The following CABS1 variants were observed in gnomAD, a reference collection of about 807,000 sequenced individuals.
The protein encoded by CABS1 is calcium-binding and spermatid-specific protein 1.
For synonymous variants in CABS1, 195 were observed against 169.0 expected, an observed-to-expected ratio of 1.15 and a Z score of -1.19; for missense variants, 500 against 464.3, an observed-to-expected ratio of 1.08 and a Z score of -0.71.
intron 1 of CABS1, 46 bp from the exon 2 acceptor site, chr4:70,336,920 C>A (rs1296252054): frequency 7.0e-6 from 1 of 142,916 alleles, no homozygotes; most frequent in Admixed American, 7.1e-5. Context: ...ATTTAATTTT[C>A]TTTCTGTTAA....
rs779234959 is a variant in CABS1, at chr4:70,335,368, C to G, written c.329C>G (p.Ser110Cys). The G allele has an allele frequency of 6.2e-7, 1 of 1,613,762 alleles. No homozygotes were observed. Among genetic ancestry groups the G allele is most frequent in the Non-Finnish European group, 8.5e-7 (1 of 1,179,830 alleles). Residue 110 changes from serine to cysteine, a missense_variant, in exon 1 of 2, where the codon TCT becomes TGT. Transcript: ENST00000273936. ...TGTTNSITRD[S>C]ITEHFMPVKI... Reference sequence around the variant, plus strand: ...ACTACAAACTCCATAACAAGAGACTCTATTACCGAACATTTCATGCCAGTG... The same window carrying G: ...ACTACAAACTCCATAACAAGAGACTGTATTACCGAACATTTCATGCCAGTG...
chr4:70,335,450 T>C lies in CABS1; in HGVS notation c.411T>C (p.Thr137=). Residue 137 remains threonine, a synonymous_variant, in exon 1 of 2, where the codon ACT becomes ACC. Transcript: ENST00000273936. The part of the protein sequence containing the change: ...VTTVSLIDFS[T]DIAKEDILLA... ...CTGTTTCTTTAATAGATTTTTCCAC[T>C]GACATAGCAAAAGAAGATATCCTCT... 1 of 1,613,760 alleles carries C rather than the reference T, an allele frequency of 6.2e-7. No individual in the cohort carries two copies. Among genetic ancestry groups the C allele is most frequent in the Non-Finnish European group, 8.5e-7 (1 of 1,179,826 alleles).
At chr4:70,336,474 A>G (rs1731732927) in intron 1 of CABS1, 128 bp downstream of exon 1, 5 of 370,310 alleles carry the variant, frequency 1.4e-5, no homozygotes, top group Non-Finnish European at 1.9e-5. Context: ...ATATTCTAAC[A>G]ATTACTTAAT....
In CABS1 at chr4:70,336,063, G is replaced by T. The variant is rs1301821681; in HGVS notation, c.1024G>T (p.Asp342Tyr). ...AGTGGAAGAATCATCTACAGAAGAA[G>T]ATTTGTCTGAAACTGATAATACAGA... ...NLVEESSTEE[D>Y]LSETDNTETV... The change falls in exon 1 of 2, where the codon GAT becomes TAT. Residue 342 changes from aspartate (D) to tyrosine (Y), a missense_variant. Transcript: ENST00000273936. 1 of 1,613,230 alleles carries T rather than the reference G, an allele frequency of 6.2e-7. No homozygotes were observed. Among genetic ancestry groups the T allele is most frequent in the Non-Finnish European group, 8.5e-7 (1 of 1,179,600 alleles).
At position 70,336,250 on chromosome 4, in the gene CABS1, T is replaced by C. The variant is rs1269162988; in HGVS notation, c.*23T>C. 3.2e-6 allele frequency: 5 copies of C among 1,583,114 alleles called. No individual in the cohort carries two copies. Among genetic ancestry groups the C allele is most frequent in the Non-Finnish European group, 4.3e-6 (5 of 1,166,972 alleles). ...TAAAAGCAACAAAAGGGATACCATG[T>C]AGAATTGTGCAATAGTCTAGCCAGC... On this transcript the variant is annotated 3_prime_UTR_variant, in exon 1 of 2. Coordinates refer to ENST00000273936, the MANE Select transcript of CABS1 (RefSeq NM_033122.4).
Position 70,334,982 on chromosome 4 carries a change from G to A in CABS1, c.-58G>A. 1 of 1,514,138 alleles carries A rather than the reference G, an allele frequency of 6.6e-7. No homozygotes were observed. The highest frequency in any genetic ancestry group is 8.9e-7 in the Non-Finnish European group (1 of 1,122,798). The allele number at this position is 1,514,138 out of a possible 1,614,324, so 93.8% of individuals were successfully genotyped here. Reference sequence around the variant, plus strand: ...CTGATGAACACTGCTCTCCTGCCTAGAGATACCACTGAGTCCAGAAGCAAG... The same window carrying A: ...CTGATGAACACTGCTCTCCTGCCTAAAGATACCACTGAGTCCAGAAGCAAG... On this transcript the variant is annotated 5_prime_UTR_variant, in exon 1 of 2. Transcript: ENST00000273936.
In CABS1 at chr4:70,335,346, A is replaced by G; in HGVS notation, c.307A>G (p.Thr103Ala). 7 of 1,613,862 alleles carry G rather than the reference A, an allele frequency of 4.3e-6. No individual in the cohort carries two copies. Among genetic ancestry groups the G allele is most frequent in the Non-Finnish European group, 5.9e-6 (7 of 1,179,880 alleles). Residue 103 changes from threonine (T) to alanine (A), a missense_variant, in exon 1 of 2, where the codon ACA becomes GCA. Coordinates refer to ENST00000273936, the MANE Select transcript of CABS1 (RefSeq NM_033122.4). ...AGAAATTACCTCTCTGACTGGCACT[A>G]CAAACTCCATAACAAGAGACTCTAT... The part of the protein sequence containing the change: ...QKEITSLTGT[T>A]NSITRDSITE...
chr4:70,335,437 T>C lies in CABS1; in HGVS notation c.398T>C (p.Ile133Thr). The change falls in exon 1 of 2, where the codon ATA becomes ACA. Residue 133 changes from isoleucine (I) to threonine (T), a missense_variant. Ile to Thr is a moderately conservative substitution (Grantham distance 89, BLOSUM62 -1). Coordinates refer to ENST00000273936, the MANE Select transcript of CABS1 (RefSeq NM_033122.4). ...ISSPVTTVSLIDFSTDIAKED... is the reference protein window; with the variant it reads ...ISSPVTTVSLTDFSTDIAKED... ...TCACCAGTTACTACTGTTTCTTTAA[T>C]AGATTTTTCCACTGACATAGCAAAA... The C allele has an allele frequency of 6.2e-7, 1 of 1,613,720 alleles. No individual in the cohort carries two copies. The highest frequency in any genetic ancestry group is 8.5e-7 in the Non-Finnish European group (1 of 1,179,816).
At position 70,335,312 on chromosome 4, in the gene CABS1, C is replaced by T; in HGVS notation, c.273C>T (p.His91=). 6.2e-7 allele frequency: 1 copy of T among 1,613,822 alleles called. No individual in the cohort carries two copies. The highest frequency in any genetic ancestry group is 2.2e-5 in the East Asian group (1 of 44,852). Residue 91 remains histidine (H), a synonymous_variant, in exon 1 of 2, where the codon CAC becomes CAT. Transcript: ENST00000273936. ...MGTDFIKSTT[H]LQKEITSLTG... ...CCGACTTTATTAAGTCAACAACTCACCTACAGAAAGAAATTACCTCTCTGA... is the reference window on the plus strand; with the variant it reads ...CCGACTTTATTAAGTCAACAACTCATCTACAGAAAGAAATTACCTCTCTGA...
At chr4:70,336,610 G>C (rs1577861300) in intron 1 of CABS1, among the ~76,000 whole-genome samples, 2 of 151,974 alleles carry the variant, frequency 1.3e-5, no homozygotes, top group South Asian at 4.1e-4. Context: ...TGAGAATTAA[G>C]GATATGAAGA....
chr4:70,336,643 A>G (rs1731735485), intron 1 of CABS1, among the ~76,000 whole-genome samples: 1 of 144,384 alleles, frequency 6.9e-6, no homozygotes, highest in Non-Finnish European at 1.6e-5. Flanking sequence ...CCTCTCCAAA[A>G]CATTACCATA....
At position 70,334,982 on chromosome 4, in the gene CABS1, G is replaced by C. The variant is rs1731682614; in HGVS notation, c.-58G>C. 1 of 1,514,018 alleles carries C rather than the reference G, an allele frequency of 6.6e-7. No individual in the cohort carries two copies. The highest frequency in any genetic ancestry group is 1.4e-5 in the African/African-American group (1 of 71,892). The allele number at this position is 1,514,018 out of a possible 1,614,324, so 93.8% of individuals were successfully genotyped here. On this transcript the variant is annotated 5_prime_UTR_variant, in exon 1 of 2. Coordinates refer to ENST00000273936, the MANE Select transcript of CABS1 (RefSeq NM_033122.4). ...CTGATGAACACTGCTCTCCTGCCTA[G>C]AGATACCACTGAGTCCAGAAGCAAG...
rs143280061 is a variant in CABS1 at position 70,335,288 on chromosome 4, C to T, written c.249C>T (p.Thr83=). 9.9e-6 allele frequency: 16 copies of T among 1,613,520 alleles called. No homozygotes were observed. The African/African-American group carries it at 1.6e-4, about 16-fold the overall frequency. The change falls in exon 1 of 2, where the codon ACC becomes ACT. Residue 83 remains threonine (T), a synonymous_variant. Transcript: ENST00000273936. ...EKLKSEDDMG[T]DFIKSTTHLQ... ...TCAAATCAGAAGATGATATGGGGAC[C>T]GACTTTATTAAGTCAACAACTCACC...
chr4:70,335,231 A>T lies in CABS1; in HGVS notation c.192A>T (p.Thr64=), dbSNP rs1413106530. Residue 64 remains threonine (T), a synonymous_variant, in exon 1 of 2, where the codon ACA becomes ACT. Coordinates refer to ENST00000273936, the MANE Select transcript of CABS1 (RefSeq NM_033122.4). ...YMLESDFSTT[T]DNKLTAKKEK... ...TAGAAAGCGATTTTTCAACAACTAC[A>T]GACAACAAACTGACAGCTAAAAAGG... 1 of 1,613,662 alleles carries T rather than the reference A, an allele frequency of 6.2e-7. No individual in the cohort carries two copies. The highest frequency in any genetic ancestry group is 1.3e-5 in the African/African-American group (1 of 74,886).
chr4:70,336,586 A>T (rs1464469853), intron 1 of CABS1, among the ~76,000 whole-genome samples: 3 of 151,252 alleles, frequency 2.0e-5, no homozygotes, highest in Non-Finnish European at 4.4e-5. Context: ...TTAACAGTCA[A>T]TATTATACTT....
At position 70,335,913 on chromosome 4, in the gene CABS1, A is replaced by G. The variant is rs759844419; in HGVS notation, c.874A>G (p.Thr292Ala). ...TACTCTGCTAACTGATGAAGAAACT[A>G]CCGAGGGAGCCAGTATTTGGATGGA... ...EDTLLTDEET[T>A]EGASIWMERD... is the part of the protein sequence containing the mutation. The change falls in exon 1 of 2, where the codon ACC (threonine) becomes GCC (alanine). Residue 292 changes from threonine to alanine, a missense_variant. Coordinates refer to ENST00000273936, the MANE Select transcript of CABS1 (RefSeq NM_033122.4). 1.9e-6 allele frequency: 3 copies of G among 1,613,498 alleles called. No homozygotes were observed. The African/African-American group carries it at 4.0e-5, about 22-fold the overall frequency.
chr4:70,336,221 GATTTA>G lies in CABS1; in HGVS notation c.1184_1188del (p.Ile395LysfsTer13), dbSNP rs1319274946. The stretch of plus-strand genomic sequence containing the variant: ...TGAAAGAAGAACCCGATGAGTTCAT[GATTTA>G]AAAGCAACAAAAGGGATACCATGTA... On this transcript the variant is annotated frameshift_variant and stop_lost, in exon 1 of 2. Coordinates refer to ENST00000273936, the MANE Select transcript of CABS1 (RefSeq NM_033122.4). LOFTEE classifies it high-confidence loss of function. The G allele has an allele frequency of 6.2e-7, 1 of 1,606,590 alleles. No homozygotes were observed. Among genetic ancestry groups the G allele is most frequent in the African/African-American group, 1.3e-5 (1 of 74,348 alleles).
Position 70,335,624 on chromosome 4 carries a change from C to G in CABS1, c.585C>G (p.Ile195Met). ...EADMSNYNSS[I>M]KSNVPADEAV... ...ATATGAGCAATTATAATTCCTCCATCAAATCCAATGTCCCTGCTGATGAGG... is the reference window on the plus strand; with the variant it reads ...ATATGAGCAATTATAATTCCTCCATGAAATCCAATGTCCCTGCTGATGAGG... The change falls in exon 1 of 2, where the codon ATC becomes ATG. Residue 195 changes from isoleucine (I) to methionine (M), a missense_variant. Physicochemically the swap from Ile to Met is conservative, Grantham distance 10 (BLOSUM62 1). Transcript: ENST00000273936. The G allele has an allele frequency of 6.2e-7, 1 of 1,613,570 alleles. No individual in the cohort carries two copies. The highest frequency in any genetic ancestry group is 8.5e-7 in the Non-Finnish European group (1 of 1,179,742).
chr4:70,335,360 A>T lies in CABS1; in HGVS notation c.321A>T (p.Thr107=), dbSNP rs1265254673. ...TSLTGTTNSI[T]RDSITEHFMP... ...TGACTGGCACTACAAACTCCATAACAAGAGACTCTATTACCGAACATTTCA... is the reference window on the plus strand; with the variant it reads ...TGACTGGCACTACAAACTCCATAACTAGAGACTCTATTACCGAACATTTCA... The change falls in exon 1 of 2, where the codon ACA becomes ACT. Residue 107 remains threonine (T), a synonymous_variant. Transcript: ENST00000273936. The T allele has an allele frequency of 6.2e-7, 1 of 1,613,800 alleles. No individual in the cohort carries two copies. Among genetic ancestry groups the T allele is most frequent in the Middle Eastern group, 1.7e-4 (1 of 6,054 alleles).
Sources: gnomAD v4.1 joint callset for allele counts (sites outside exome capture counted in the v4.1 genomes callset) on GRCh38, gnomAD v4.1.1 for gene constraint, MANE v1.5 for transcripts, NCBI Gene and HGNC (gene_info 2026-07-23, HGNC 2026-07-21) for gene names.